The following SHISA6 variants were observed in gnomAD, a reference collection of about 807,000 sequenced individuals.
The protein encoded by SHISA6 is shisa family member 6, also known as protein shisa-6.
SHISA6 carries 22 observed loss-of-function variants against 47.9 expected under a neutral mutation model. The ratio of observed to expected loss-of-function variants is 0.46; its 90% confidence interval spans 0.33 to 0.66. The LOEUF (loss-of-function observed/expected upper bound fraction) is 0.66. SHISA6 is among the 30% of genes least tolerant of loss of function. The pLI is 0.02. For missense variants in SHISA6, 680 were observed against 764.6 expected (o/e 0.89, Z 1.30); for synonymous variants, 388 against 337.8 (o/e 1.15, Z -1.63).
intron 3 of SHISA6, among the ~76,000 whole-genome samples, chr17:11,409,812 G>A (rs1337796979): frequency 6.6e-6 from 1 of 152,020 alleles, no homozygotes; most frequent in African/African-American, 2.4e-5. Context: ...TATCACAAAG[G>A]ATCAGTGTTC....
chr17:11,552,598 T>C (rs997264207), intron 4 of SHISA6, among the ~76,000 whole-genome samples: 8 of 152,362 alleles, frequency 5.3e-5, no homozygotes, highest in African/African-American at 1.7e-4. Context: ...TTATCAGTCA[T>C]TTTTGTCTCT....
intron 3 of SHISA6, among the ~76,000 whole-genome samples, chr17:11,532,712 C>A (rs1216866890): frequency 6.7e-6 from 1 of 149,036 alleles, no homozygotes; most frequent in East Asian, 2.0e-4. Context: ...AAAGCAGGAG[C>A]CCATGCCTTT....
chr17:11,427,468 ACTC>A (rs1239336639), intron 3 of SHISA6, among the ~76,000 whole-genome samples: 5 of 150,346 alleles, frequency 3.3e-5, no homozygotes, highest in Admixed American at 1.3e-4. Context: ...TCCCTTGTCC[ACTC>A]CTCCACCTTC....
rs770023770 is a variant in SHISA6, at chr17:11,350,185, T to TATTTG, written c.800-29229_800-29228insATTTG. ...TTATTTATTTATTTATTTATTTATT[T>TATTTG]TTTTTTTTTTTTGAGACGGAGTCTC... On this transcript the variant is annotated intron_variant, in intron 2 of 5. Coordinates refer to ENST00000441885, the MANE Select transcript of SHISA6 (RefSeq NM_207386.4). 5.1e-4 allele frequency among the ~76,000 whole-genome samples: 61 copies of TATTTG among 118,512 alleles called. 2 individuals are homozygous for TATTTG. Among genetic ancestry groups the TATTTG allele is most frequent in the African/African-American group, 1.8e-3 (55 of 30,510 alleles). The allele number at this position is 118,512 out of a possible 152,430, so 77.7% of individuals were successfully genotyped here.
intron 1 of SHISA6, among the ~76,000 whole-genome samples, chr17:11,249,879 G>C (rs1907736758): frequency 6.6e-6 from 1 of 152,184 alleles, no homozygotes; most frequent in Non-Finnish European, 1.5e-5. Context: ...CTGAAGGCAG[G>C]AGCCCAGAAG....
At chr17:11,454,907 T>C (rs984689165) in intron 3 of SHISA6, among the ~76,000 whole-genome samples, 8 of 152,136 alleles carry the variant, frequency 5.3e-5, no homozygotes, top group Non-Finnish European at 7.4e-5. Flanking sequence ...CGGTAGCTCA[T>C]GCCTATAATC....
At chr17:11,509,259 G>A (rs1001177040) in intron 3 of SHISA6, among the ~76,000 whole-genome samples, 9 of 152,130 alleles carry the variant, frequency 5.9e-5, no homozygotes, top group East Asian at 1.9e-4. Context: ...GATTGTATTC[G>A]CAAGTCCATG....
chr17:11,392,160 A>G (rs2142256539), intron 3 of SHISA6, among the ~76,000 whole-genome samples: 1 of 152,152 alleles, frequency 6.6e-6, no homozygotes, highest in Middle Eastern at 3.4e-3. Flanking sequence ...TCTGCTTCCC[A>G]GTGAATCTTT....
chr17:11,522,659 G>A (rs2071640793), intron 3 of SHISA6, among the ~76,000 whole-genome samples: 1 of 152,098 alleles, frequency 6.6e-6, no homozygotes, highest in South Asian at 2.1e-4. Flanking sequence ...TCAGTTAAAG[G>A]TTCTCTATGT....
intron 3 of SHISA6, among the ~76,000 whole-genome samples, chr17:11,383,448 C>T (rs569605439): frequency 1.3e-5 from 2 of 152,256 alleles, no homozygotes; most frequent in African/African-American, 4.8e-5. Context: ...GGATTGAGAA[C>T]GTGAGATCTT....
rs1412421647 is a variant in SHISA6 at position 11,560,411 on chromosome 17, G to A, written c.*2107G>A. On this transcript the variant is annotated 3_prime_UTR_variant, in exon 6 of 6. Transcript: ENST00000441885. ...GGCTGGTCCCCAGGGGTTTATAAGA[G>A]TTTGTTCCAGAAGGTGAGGCTAAGA... The A allele has an allele frequency of 6.6e-6, 1 of 152,352 alleles. No homozygotes were observed. Among genetic ancestry groups the A allele is most frequent in the Non-Finnish European group, 1.5e-5 (1 of 68,188 alleles). 9.4% of individuals were successfully genotyped at this position (152,352 alleles called of 1,614,324 possible). A position where few individuals can be genotyped will look rare whatever the true frequency, so the allele number is the denominator to read the frequency against.
Position 11,555,845 on chromosome 17 carries a change from C to A in SHISA6, c.1058C>A (p.Ser353Tyr), listed in dbSNP as rs1363887332. The A allele has an allele frequency of 6.4e-7, 1 of 1,551,554 alleles. No individual in the cohort carries two copies. Among genetic ancestry groups the A allele is most frequent in the South Asian group, 1.2e-5 (1 of 83,936 alleles). ...GCCCACCTGCCCCCATCCTACGAGTCTGCAGTAAAGACCAACCCCAGCAAG... is the reference window on the plus strand; with the variant it reads ...GCCCACCTGCCCCCATCCTACGAGTATGCAGTAAAGACCAACCCCAGCAAG... ...NLAHLPPSYESAVKTNPSKYS... is the reference protein window; with the variant it reads ...NLAHLPPSYEYAVKTNPSKYS... The change falls in exon 5 of 6, where the codon TCT becomes TAT. Residue 353 changes from serine to tyrosine, a missense_variant. Ser to Tyr is a moderately radical substitution (Grantham distance 144). Around this residue, in one of 2 missense-constraint regions of SHISA6, gnomAD observed 559 missense variants for 674.1 expected, o/e 0.83. Coordinates refer to ENST00000441885, the MANE Select transcript of SHISA6 (RefSeq NM_207386.4).
chr17:11,531,610 C>T (rs74339281), intron 3 of SHISA6, among the ~76,000 whole-genome samples: 210 of 152,224 alleles, frequency 1.4e-3, no homozygotes, highest in South Asian at 5.6e-3. Flanking sequence ...CTTAGAGTTG[C>T]TATAAAGATT....
At chr17:11,485,251 C>A (rs186763816) in intron 3 of SHISA6, among the ~76,000 whole-genome samples, 2 of 151,896 alleles carry the variant, frequency 1.3e-5, no homozygotes, top group African/African-American at 2.4e-5. Context: ...AGAGATGCTG[C>A]GGCAGAGGAG....
chr17:11,408,103 T>C (rs1914016220), intron 3 of SHISA6, among the ~76,000 whole-genome samples: 1 of 152,234 alleles, frequency 6.6e-6, no homozygotes, highest in African/African-American at 2.4e-5. Flanking sequence ...GTGTCTTTAA[T>C]GAAGTTCTCT....
intron 2 of SHISA6, among the ~76,000 whole-genome samples, chr17:11,351,245 A>C (rs939159834): frequency 6.6e-6 from 1 of 152,176 alleles, no homozygotes; most frequent in Admixed American, 6.5e-5. Context: ...CCATCATGGC[A>C]CATGTATACC....
intron 3 of SHISA6, among the ~76,000 whole-genome samples, chr17:11,495,819 T>A (rs1421266637): frequency 6.6e-6 from 1 of 152,252 alleles, no homozygotes; most frequent in African/African-American, 2.4e-5. Flanking sequence ...GATTTATCTA[T>A]GGAATGTGTA....
intron 3 of SHISA6, among the ~76,000 whole-genome samples, chr17:11,506,358 A>G (rs1489283397): frequency 6.6e-6 from 1 of 152,172 alleles, no homozygotes; most frequent in Non-Finnish European, 1.5e-5. Context: ...GACATAGAAG[A>G]GCAAAAGAGT....
Position 11,284,754 on chromosome 17 carries a change from T to C in SHISA6, c.799+21228T>C, listed in dbSNP as rs9904035. Among the ~76,000 whole-genome samples, 578 of 152,328 alleles carry C rather than the reference T, an allele frequency of 3.8e-3. 6 individuals carry two copies. The highest frequency in any genetic ancestry group is 0.013 in the African/African-American group (549 of 41,576). On this transcript the variant is annotated intron_variant, in intron 2 of 5. Coordinates refer to ENST00000441885, the MANE Select transcript of SHISA6 (RefSeq NM_207386.4). ...CTATTGATGCTGTATTAGACTTCTA[T>C]AGCACTTTATATTTTCACTGGCATG... is the stretch of plus-strand genomic sequence containing the variant.
Sources: allele counts gnomAD v4.1 joint callset (sites outside exome capture counted in the v4.1 genomes callset), GRCh38; gene constraint gnomAD v4.1.1; regional missense constraint gnomAD v4.1.1; transcripts MANE v1.5; gene names NCBI Gene and HGNC (gene_info 2026-07-23, HGNC 2026-07-21).